Variants in NUDT12 observed in about 807,000 individuals in gnomAD.
NUDT12 encodes the protein nudix hydrolase 12, also known as NAD-capped RNA hydrolase NUDT12.
In NUDT12, 42 loss-of-function variants were observed where a neutral mutation model predicts 45.7. The ratio of observed to expected loss-of-function variants is 0.92; its 90% CI spans 0.72 to 1.19. The LOEUF (loss-of-function observed/expected upper bound fraction) is 1.19. NUDT12 is among the 50% of genes most tolerant of loss of function. NUDT12 has a pLI of 0.00. For synonymous variants in NUDT12, 206 were observed against 179.7 expected (o/e 1.15, Z -1.17); for missense variants, 590 against 533.1 (o/e 1.11, Z -1.05).
In NUDT12 at chr5:103,552,311, G is replaced by C. The variant is rs1185732355; in HGVS notation, c.1184C>G (p.Ser395Cys). The C allele has an allele frequency of 6.2e-7, 1 of 1,613,918 alleles. No homozygotes were observed. The highest frequency in any genetic ancestry group is 1.7e-5 in the Admixed American group (1 of 59,944). ...TAGAGCTAAGCAACCAATCATTAAG[G>C]AGGAAGGCATTGGCCATGGTTGACA... Reference protein sequence around the residue: ...VACQPWPMPSSLMIGCLALAV... With the variant: ...VACQPWPMPSCLMIGCLALAV... Residue 395 changes from serine to cysteine, a missense_variant, in exon 6 of 7, where the codon TCC (serine) becomes TGC (cysteine). Ser to Cys is a moderately radical substitution (Grantham distance 112, BLOSUM62 -1). Coordinates refer to ENST00000230792, the MANE Select transcript of NUDT12 (RefSeq NM_031438.4).
intron 4 of NUDT12, 67 bp from the exon 5 acceptor site, chr5:103,554,920 C>T (rs1281598470): frequency 3.3e-6 from 2 of 607,202 alleles, no homozygotes; most frequent in African/African-American, 1.9e-5. Flanking sequence ...TGTACAAACA[C>T]TGTCTGATAG....
chr5:103,560,386 A>T, intron 1 of NUDT12, 132 bp from the exon 2 acceptor site: 1 of 627,452 alleles, frequency 1.6e-6, no homozygotes, highest in East Asian at 2.7e-5. Flanking sequence ...GGCAATCCTT[A>T]AACAGCATAC....
rs112552652 is a variant in NUDT12, at chr5:103,562,504, C to T, written c.-7+199G>A. Among the ~76,000 whole-genome samples, 377 of 152,178 alleles carry T rather than the reference C, an allele frequency of 2.5e-3. 3 individuals are homozygous for T. Among genetic ancestry groups the T allele is most frequent in the African/African-American group, 7.9e-3 (327 of 41,506 alleles). ...GGAAACTCTACGACCTCAGTACCGC[C>T]GCACCTCCGCCCTGTCGCGGGAGCC... On this transcript the variant is annotated intron_variant, in intron 1 of 6. Transcript: ENST00000230792.
chr5:103,560,282 A>G (rs754467871), intron 1 of NUDT12, 28 bp from the exon 2 acceptor site: 68 of 1,458,718 alleles, frequency 4.7e-5, no homozygotes, highest in Admixed American at 6.9e-5. Flanking sequence ...CAGGGGAAAA[A>G]GCTTATTTGC....
At chr5:103,552,979 G>A (rs1748704861) in intron 5 of NUDT12, among the ~76,000 whole-genome samples, 1 of 152,018 alleles carries the variant, frequency 6.6e-6, no homozygotes, top group African/African-American at 2.4e-5. Context: ...GCCTATAAAT[G>A]TACTTTATAT....
intron 6 of NUDT12, among the ~76,000 whole-genome samples, chr5:103,551,936 C>CTT (rs1379354474): frequency 2.6e-5 from 4 of 151,820 alleles, no homozygotes; most frequent in African/African-American, 9.7e-5. Context: ...TTTTCTAAAC[C>CTT]CACTGATAGG....
chr5:103,554,559 A>C, intron 5 of NUDT12, 181 bp downstream of exon 5: 1 of 319,018 alleles, frequency 3.1e-6, no homozygotes, highest in Middle Eastern at 9.4e-4. Flanking sequence ...AATTTATATA[A>C]TTCTCATATA....
chr5:103,561,307 G>T (rs1284093922), intron 1 of NUDT12, among the ~76,000 whole-genome samples: 3 of 152,034 alleles, frequency 2.0e-5, no homozygotes, highest in Non-Finnish European at 4.4e-5. Context: ...GGGCGATCTG[G>T]CTGATGAATT....
chr5:103,549,629 T>G lies in NUDT12; in HGVS notation c.*1232A>C, dbSNP rs1748589937. ...TTCACAATTTCTTTTTCCTTATCTATAAAATAAGGAAAGCTAATTTCATAT... is the reference window on the plus strand; with the variant it reads ...TTCACAATTTCTTTTTCCTTATCTAGAAAATAAGGAAAGCTAATTTCATAT... On this transcript the variant is annotated 3_prime_UTR_variant, in exon 7 of 7. Coordinates refer to ENST00000230792, the MANE Select transcript of NUDT12 (RefSeq NM_031438.4). 6.6e-6 allele frequency: 1 copy of G among 152,038 alleles called. No homozygotes were observed. Among genetic ancestry groups the G allele is most frequent in the Non-Finnish European group, 1.5e-5 (1 of 67,942 alleles). 9.4% of individuals were successfully genotyped at this position (152,038 alleles called of 1,614,324 possible).
intron 1 of NUDT12, 23 bp from the exon 2 acceptor site, chr5:103,560,277 G>GA (rs757572744): frequency 1.3e-6 from 2 of 1,509,356 alleles, no homozygotes; most frequent in Non-Finnish European, 1.8e-6. Context: ...AAAATCAGGG[G>GA]AAAAAGCTTA....
Position 103,560,211 on chromosome 5 carries a change from ACTATTTCTT to A in NUDT12, c.29_37del (p.Gln10_Val13delinsLeu). The stretch of plus-strand genomic sequence containing the variant: ...AGCAGCTGAACAGTGAAACTGAGTA[ACTATTTCTT>A]GCTTCAGACTTCTTTTTACAGAAGA... On this transcript the variant is annotated inframe_deletion, in exon 2 of 7. Coordinates refer to ENST00000230792, the MANE Select transcript of NUDT12 (RefSeq NM_031438.4). 6.2e-7 allele frequency: 1 copy of A among 1,613,880 alleles called. No individual in the cohort carries two copies. The highest frequency in any genetic ancestry group is 1.1e-5 in the South Asian group (1 of 91,070).
intron 1 of NUDT12, among the ~76,000 whole-genome samples, chr5:103,562,069 T>G (rs1405035290): frequency 6.6e-6 from 1 of 152,210 alleles, no homozygotes; most frequent in Non-Finnish European, 1.5e-5. Flanking sequence ...GGTAAAGATT[T>G]GAAGGCAGAA....
In NUDT12 at chr5:103,549,910, T is replaced by C. The variant is rs1349144757; in HGVS notation, c.*951A>G. 6.6e-6 allele frequency: 1 copy of C among 152,188 alleles called. No individual in the cohort carries two copies. The highest frequency in any genetic ancestry group is 2.4e-5 in the African/African-American group (1 of 41,464). The allele number at this position is 152,188 out of a possible 1,614,324, so 9.4% of individuals were successfully genotyped here. A position where few individuals can be genotyped will look rare whatever the true frequency, so the allele number is the denominator to read the frequency against. The stretch of plus-strand genomic sequence containing the variant: ...AAATAAGGTCAAAGCCAAGATATAT[T>C]TGAGCATAATAAATAGTATTGGTAA... On this transcript the variant is annotated 3_prime_UTR_variant, in exon 7 of 7. Transcript: ENST00000230792.
Position 103,558,898 on chromosome 5 carries a change from T to C in NUDT12, c.777A>G (p.Gln259=), listed in dbSNP as rs772190248. 1.3e-6 allele frequency: 2 copies of C among 1,566,810 alleles called. No individual in the cohort carries two copies. Among genetic ancestry groups the C allele is most frequent in the Middle Eastern group, 1.7e-4 (1 of 5,828 alleles). ...TCTTACCAGCTTCTTTTTCTTTCAA[T>C]TGCAGAAGGGCTGGCATAGGAGGAT... ...FLHPPMPALL[Q]LKEKEAGVVA... Residue 259 remains glutamine (Q), a synonymous_variant, in exon 3 of 7, where the codon CAA becomes CAG. Coordinates refer to ENST00000230792, the MANE Select transcript of NUDT12 (RefSeq NM_031438.4).
At chr5:103,560,504 G>A (rs922998531) in intron 1 of NUDT12, among the ~76,000 whole-genome samples, 4 of 151,970 alleles carry the variant, frequency 2.6e-5, no homozygotes, top group Non-Finnish European at 1.5e-5. Context: ...CAGTACAGAC[G>A]AGGGGGCCAT....
At chr5:103,551,243 C>T (rs1186050666) in intron 6 of NUDT12, among the ~76,000 whole-genome samples, 1 of 151,806 alleles carries the variant, frequency 6.6e-6, no homozygotes, top group Non-Finnish European at 1.5e-5. Context: ...GCCACAGCCT[C>T]CCAAGTAGCT....
chr5:103,552,794 T>G (rs1159628616), intron 5 of NUDT12, among the ~76,000 whole-genome samples: 1 of 152,036 alleles, frequency 6.6e-6, no homozygotes, highest in Non-Finnish European at 1.5e-5. Flanking sequence ...TTTTTACAAA[T>G]AGCTCTTTCA....
Position 103,549,533 on chromosome 5 carries a change from G to A in NUDT12, c.*1328C>T, listed in dbSNP as rs1411879480. ...TCTAGTTCCTTTTACAGGGAGAATC[G>A]TCCTCTGCATTATATAGTACAGACT... On this transcript the variant is annotated 3_prime_UTR_variant, in exon 7 of 7. Coordinates refer to ENST00000230792, the MANE Select transcript of NUDT12 (RefSeq NM_031438.4). 2.0e-5 allele frequency: 3 copies of A among 151,628 alleles called. No homozygotes were observed. The highest frequency in any genetic ancestry group is 2.9e-5 in the Non-Finnish European group (2 of 67,802). 9.4% of individuals were successfully genotyped at this position (151,628 alleles called of 1,614,324 possible).
intron 3 of NUDT12, 25 bp from the exon 4 acceptor site, chr5:103,556,123 A>T (rs1356839254): frequency 2.0e-6 from 3 of 1,512,786 alleles, no homozygotes; most frequent in Non-Finnish European, 2.6e-6. Flanking sequence ...AAAGCACAAA[A>T]ATTTTAATTC....
Sources: gnomAD v4.1 joint callset for allele counts (sites outside exome capture counted in the v4.1 genomes callset) on GRCh38, gnomAD v4.1.1 for gene constraint, MANE v1.5 for transcripts, NCBI Gene and HGNC (gene_info 2026-07-23, HGNC 2026-07-21) for gene names.